DHPS: variants seen among roughly 807,000 people sequenced by gnomAD.
DHPS encodes the protein deoxyhypusine synthase.
In DHPS, 24 loss-of-function variants were observed where a neutral mutation model predicts 38.7. The ratio of observed to expected loss-of-function variants is 0.62; its 90% CI spans 0.45 to 0.87. The LOEUF is 0.87. DHPS is among the 40% of genes least tolerant of loss of function. The pLI is 0.00. For missense variants in DHPS, 510 were observed against 497.6 expected, an observed-to-expected ratio of 1.02 and a Z score of -0.24; for synonymous variants, 250 against 204.4, an observed-to-expected ratio of 1.22 and a Z score of -1.90.
chr19:12,677,465 C>T (rs944925441), intron 5 of DHPS, 69 bp from the exon 6 acceptor site: 3 of 1,354,954 alleles, frequency 2.2e-6, no homozygotes, highest in African/African-American at 2.9e-5. Context: ...ATATGACTAT[C>T]TGACTGTGGA....
chr19:12,677,388 G>C lies in DHPS; in HGVS notation c.687C>G (p.Ile229Met), dbSNP rs367826439. The C allele has an allele frequency of 2.5e-6, 4 of 1,613,758 alleles. No individual in the cohort carries two copies. The East Asian group carries it at 8.9e-5, about 36-fold the overall frequency. Residue 229 changes from isoleucine (I) to methionine (M), a missense_variant, in exon 6 of 9, where the codon ATC (isoleucine) becomes ATG (methionine). Physicochemically the swap from Ile to Met is conservative, Grantham distance 10 (BLOSUM62 1). Coordinates refer to ENST00000210060, the MANE Select transcript of DHPS (RefSeq NM_001930.4). Reference protein sequence around the residue: ...SVYYWAQKNHIPVFSPALTDG... With the variant: ...SVYYWAQKNHMPVFSPALTDG... ...CTGTAAGTGCGGGACTAAACACAGG[G>C]ATGTGGTTCTGCAGAGAACATGACA...
At chr19:12,677,427 A>T (rs774023747) in intron 5 of DHPS, 31 bp from the exon 6 acceptor site, 2 of 1,589,350 alleles carry the variant, frequency 1.3e-6, no homozygotes, top group South Asian at 2.2e-5. Flanking sequence ...CAGTGGCTGG[A>T]GCTCAGAGCC....
In DHPS at chr19:12,675,893, GC is replaced by G. The variant is rs768647893; in HGVS notation, c.1054del (p.Ala352LeufsTer34). ...ATCCATCTTCTGGGCAAAGGTTTCA[GC>G]CACAAGCAGGGGGAAGACCAGGGAG... ...DASLVFPLLVAETFAQKMDAF... is the reference protein window; with the variant it reads ...DASLVFPLLVXETFAQKMDAF... On this transcript the variant is annotated frameshift_variant, in exon 9 of 9. Coordinates refer to ENST00000210060, the MANE Select transcript of DHPS (RefSeq NM_001930.4). LOFTEE classifies it high-confidence loss of function. 6.2e-7 allele frequency: 1 copy of G among 1,610,424 alleles called. No individual in the cohort carries two copies. The highest frequency in any genetic ancestry group is 1.7e-5 in the Admixed American group (1 of 59,394).
intron 7 of DHPS, 141 bp from the exon 8 acceptor site, chr19:12,676,283 G>A: frequency 1.8e-6 from 2 of 1,103,394 alleles, no homozygotes; most frequent in Non-Finnish European, 2.5e-6. Flanking sequence ...CCCAGACAGG[G>A]CCCATGTCAA....
At chr19:12,678,403 A>T (rs1333782302) in intron 5 of DHPS, among the ~76,000 whole-genome samples, 3 of 152,050 alleles carry the variant, frequency 2.0e-5, no homozygotes, top group African/African-American at 4.8e-5. Flanking sequence ...GAAGCTCAAG[A>T]CAGCAGTGAG....
intron 5 of DHPS, among the ~76,000 whole-genome samples, chr19:12,679,256 C>T (rs929259956): frequency 3.3e-5 from 5 of 151,868 alleles, no homozygotes; most frequent in African/African-American, 1.2e-4. Flanking sequence ...TGTGATCACA[C>T]CACTGCACTC....
intron 1 of DHPS, 130 bp from the exon 2 acceptor site, chr19:12,680,455 GA>G (rs1249693775): frequency 5.5e-6 from 5 of 905,202 alleles, no homozygotes; most frequent in African/African-American, 1.7e-5. Context: ...TTCTACAGGG[GA>G]CCAAGGAACA....
chr19:12,679,788 T>A lies in DHPS; in HGVS notation c.494+13A>T. 1 of 1,614,054 alleles carries A rather than the reference T, an allele frequency of 6.2e-7. No individual in the cohort carries two copies. Among genetic ancestry groups the A allele is most frequent in the Non-Finnish European group, 8.5e-7 (1 of 1,179,948 alleles). ...GTCCAGCTCCCCTGCCCAACACCAC[T>A]CAGGGTTCTCACCTATTGATCCCGT... On this transcript the variant is annotated intron_variant, in intron 3 of 8. Transcript: ENST00000210060.
intron 1 of DHPS, chr19:12,681,353 C>T: frequency 1.0e-6 from 1 of 1,004,316 alleles, no homozygotes; most frequent in Non-Finnish European, 1.4e-6. Flanking sequence ...CCTCAGGTTA[C>T]CGTACCAGCA....
chr19:12,681,671 C>T lies in DHPS; in HGVS notation c.96G>A (p.Arg32=), dbSNP rs143077643. 6.2e-7 allele frequency: 1 copy of T among 1,614,236 alleles called. No individual in the cohort carries two copies. The highest frequency in any genetic ancestry group is 8.5e-7 in the Non-Finnish European group (1 of 1,180,050). ...TCACACCGCGGTTGAAGTCGTAGCC[C>T]CGGACCTGGGTGCTTTCGGGCGGCA... ...STLPPESTQV[R]GYDFNRGVNY... Residue 32 remains arginine (R), a synonymous_variant, in exon 1 of 9, where the codon CGG becomes CGA. Coordinates refer to ENST00000210060, the MANE Select transcript of DHPS (RefSeq NM_001930.4).
At chr19:12,677,465 C>A in intron 5 of DHPS, 69 bp from the exon 6 acceptor site, 1 of 1,355,072 alleles carries the variant, frequency 7.4e-7, no homozygotes, top group Non-Finnish European at 1.0e-6. Flanking sequence ...ATATGACTAT[C>A]TGACTGTGGA....
In DHPS at chr19:12,677,104, T is replaced by C. The variant is rs756853042; in HGVS notation, c.888+4A>G. The C allele has an allele frequency of 6.2e-7, 1 of 1,613,390 alleles. No individual in the cohort carries two copies. The highest frequency in any genetic ancestry group is 1.1e-5 in the South Asian group (1 of 91,054). On this transcript the variant is annotated splice_donor_region_variant and intron_variant, in intron 7 of 8. Transcript: ENST00000210060. ...GAGTGGGCCGAAGCGCCACCCCCACTCACCATGAGGTTGGCATTGGCAATG... is the reference window on the plus strand; with the variant it reads ...GAGTGGGCCGAAGCGCCACCCCCACCCACCATGAGGTTGGCATTGGCAATG...
chr19:12,675,409 G>T, downstream of DHPS: 1 of 1,442,772 alleles, frequency 6.9e-7, no homozygotes. Flanking sequence ...GCTGAAGGTC[G>T]GGGAGAGGTG....
At chr19:12,681,146 T>A (rs997081618) in intron 1 of DHPS, 19 of 1,278,262 alleles carry the variant, frequency 1.5e-5, no homozygotes, top group Non-Finnish European at 1.9e-5. Context: ...CCCACCCTTT[T>A]AGGAATCAGA....
At chr19:12,679,337 C>G (rs978200042) in intron 5 of DHPS, 120 bp downstream of exon 5, 3 of 955,024 alleles carry the variant, frequency 3.1e-6, no homozygotes, top group Non-Finnish European at 5.0e-6. Context: ...GTGTTTGAGT[C>G]TCCTCATCTA....
At chr19:12,681,314 G>T in intron 1 of DHPS, 1 of 1,140,836 alleles carries the variant, frequency 8.8e-7, no homozygotes, top group Non-Finnish European at 1.2e-6. Context: ...CCTAGAACCC[G>T]CCCCCACACC....
At position 12,676,966 on chromosome 19, in the gene DHPS, G is replaced by C. The variant is rs916005898; in HGVS notation, c.888+142C>G. On this transcript the variant is annotated intron_variant, in intron 7 of 8. Coordinates refer to ENST00000210060, the MANE Select transcript of DHPS (RefSeq NM_001930.4). The stretch of plus-strand genomic sequence containing the variant: ...CTGCCCCCTGACGTGGATGTCACTT[G>C]TTTGCTATCTCCCCTACTAGAACAT... 3.2e-5 allele frequency: 23 copies of C among 720,668 alleles called. 1 individual carries two copies. The highest frequency in any genetic ancestry group is 1.8e-4 in the South Asian group (11 of 60,258). The allele number at this position is 720,668 out of a possible 1,614,324, so 44.6% of individuals were successfully genotyped here.
chr19:12,672,721 G>A, downstream of DHPS: 4 of 999,674 alleles, frequency 4.0e-6, no homozygotes, highest in Non-Finnish European at 6.1e-6. Context: ...GAGTCTCAAG[G>A]CCAGAGCTTC....
chr19:12,679,190 C>T (rs966326040), intron 5 of DHPS, among the ~76,000 whole-genome samples: 5 of 151,760 alleles, frequency 3.3e-5, no homozygotes, highest in African/African-American at 1.2e-4. Flanking sequence ...CCCAGCTACT[C>T]GAGAGGCTGA....
Sources: allele counts gnomAD v4.1 joint callset (sites outside exome capture counted in the v4.1 genomes callset), GRCh38; gene constraint gnomAD v4.1.1; transcripts MANE v1.5; gene names NCBI Gene and HGNC (gene_info 2026-07-23, HGNC 2026-07-21).